Variants in IFT140 observed in about 807,000 individuals in gnomAD.
IFT140 encodes the protein intraflagellar transport protein 140 homolog.
A neutral mutation model predicts 164.6 loss-of-function variants in IFT140; 133 were observed. The ratio of observed to expected loss-of-function variants is 0.81; its 90% CI spans 0.70 to 0.93. The LOEUF is 0.93. IFT140 is among the 40% of genes least tolerant of loss of function. The probability of loss-of-function intolerance (pLI) is 0.00; values close to 1 mark genes in which losing one functional copy is unlikely to be tolerated. For synonymous variants in IFT140, 860 were observed against 817.3 expected (o/e 1.05, Z -0.89); for missense variants, 2,045 against 1,972.3 (o/e 1.04, Z -0.70).
At chr16:1,541,291 G>A in intron 19 of IFT140, 1 of 985,256 alleles carries the variant, frequency 1.0e-6, no homozygotes, top group Non-Finnish European at 1.2e-6. Context: ...AGGGGGGCAG[G>A]TGGGGGGCAC....
At chr16:1,586,934 T>A (rs77750249) in intron 9 of IFT140, among the ~76,000 whole-genome samples, 1 of 152,178 alleles carries the variant, frequency 6.6e-6, no homozygotes, top group Admixed American at 6.5e-5. Flanking sequence ...CTTGAACTCC[T>A]GGGCTCAAGT....
At chr16:1,568,489 G>A (rs1353113389) in intron 14 of IFT140, among the ~76,000 whole-genome samples, 155 bp from the exon 15 acceptor site, 1 of 152,232 alleles carries the variant, frequency 6.6e-6, no homozygotes, top group African/African-American at 2.4e-5. Context: ...TGGGGCAAAC[G>A]CAAAACACAG....
At chr16:1,584,873 C>A (rs1433051202) in intron 10 of IFT140, among the ~76,000 whole-genome samples, 3 of 152,120 alleles carry the variant, frequency 2.0e-5, no homozygotes, top group African/African-American at 7.2e-5. Context: ...TAAATAAAGA[C>A]CTATGCAAAA....
intron 1 of IFT140, among the ~76,000 whole-genome samples, 154 bp downstream of exon 1, chr16:1,611,813 CA>C (rs553272330): frequency 0.094 from 7,696 of 81,782 alleles, 348 homozygotes; most frequent in Admixed American, 0.26. Flanking sequence ...AACTCCGTCT[CA>C]AAAAAAAAAA....
At chr16:1,565,536 C>T (rs372679836) in intron 16 of IFT140, among the ~76,000 whole-genome samples, 1 of 152,200 alleles carries the variant, frequency 6.6e-6, no homozygotes, top group Non-Finnish European at 1.5e-5. Flanking sequence ...AAACCACCCC[C>T]GAGCCCAGCC....
chr16:1,525,887 T>C lies in IFT140; in HGVS notation c.2768A>G (p.Tyr923Cys). 6.5e-7 allele frequency: 1 copy of C among 1,539,738 alleles called. No homozygotes were observed. Among genetic ancestry groups the C allele is most frequent in the Non-Finnish European group, 8.7e-7 (1 of 1,143,728 alleles). The change falls in exon 21 of 31, where the codon TAC becomes TGC. Residue 923 changes from tyrosine to cysteine, a missense_variant and splice_region_variant. Transcript: ENST00000426508. ...ASADCSRALSYYEKSDTHRFE... is the reference protein window; with the variant it reads ...ASADCSRALSCYEKSDTHRFE... ...AAGAGGCCGCGAGGGCCGCACTCACTAACTGAGGGCCCGGCTGCAGTCGGC... is the reference window on the plus strand; with the variant it reads ...AAGAGGCCGCGAGGGCCGCACTCACCAACTGAGGGCCCGGCTGCAGTCGGC...
chr16:1,535,352 C>T (rs1407646097), intron 19 of IFT140, among the ~76,000 whole-genome samples: 1 of 152,196 alleles, frequency 6.6e-6, no homozygotes, highest in African/African-American at 2.4e-5. Context: ...AAGGCGCTTA[C>T]AGCCCATGGG....
Position 1,553,523 on chromosome 16 carries a change from T to C in IFT140, c.2399+4412A>G, listed in dbSNP as rs1023296593. Reference sequence around the variant, plus strand: ...CGTGGCCGGAGCCTGGGGAGGGACATGGACAAGTCCTCTATGGACAAGAGG... The same window carrying C: ...CGTGGCCGGAGCCTGGGGAGGGACACGGACAAGTCCTCTATGGACAAGAGG... On this transcript the variant is annotated intron_variant, in intron 19 of 30. Transcript: ENST00000426508. The surrounding 1 kb of genome is among the most constrained non-coding windows in gnomAD (Gnocchi z 4.4). 3 of 993,516 alleles carry C rather than the reference T, an allele frequency of 3.0e-6. No individual in the cohort carries two copies. The highest frequency in any genetic ancestry group is 3.5e-5 in the African/African-American group (2 of 57,366). 61.5% of individuals were successfully genotyped at this position (993,516 alleles called of 1,614,324 possible).
In IFT140 at chr16:1,602,518, A is replaced by G; in HGVS notation, c.221T>C (p.Leu74Pro). 6.2e-7 allele frequency: 1 copy of G among 1,614,144 alleles called. No homozygotes were observed. Among genetic ancestry groups the G allele is most frequent in the Non-Finnish European group, 8.5e-7 (1 of 1,180,018 alleles). ...AGTCTCCCAGCCCACAGCCAGCACCAGCCGCGTCGGGTGCCAGCACAGGGA... is the reference window on the plus strand; with the variant it reads ...AGTCTCCCAGCCCACAGCCAGCACCGGCCGCGTCGGGTGCCAGCACAGGGA... ...VASLCWHPTRLVLAVGWETGE... is the reference protein window; with the variant it reads ...VASLCWHPTRPVLAVGWETGE... The change falls in exon 4 of 31, where the codon CTG becomes CCG. Residue 74 changes from leucine to proline, a missense_variant. Coordinates refer to ENST00000426508, the MANE Select transcript of IFT140 (RefSeq NM_014714.4).
At chr16:1,558,361 C>T (rs963855483) in intron 18 of IFT140, among the ~76,000 whole-genome samples, 14 of 152,236 alleles carry the variant, frequency 9.2e-5, no homozygotes, top group Non-Finnish European at 1.3e-4. Context: ...TAAGCAAAGG[C>T]TGCCCGTGCA....
chr16:1,530,102 C>G (rs1315758048), intron 19 of IFT140, among the ~76,000 whole-genome samples: 1 of 149,060 alleles, frequency 6.7e-6, no homozygotes, highest in East Asian at 2.0e-4. Flanking sequence ...CTTTTTTACT[C>G]TCCTGTCCCA....
intron 19 of IFT140, among the ~76,000 whole-genome samples, chr16:1,544,972 T>A (rs1026076534): frequency 1.3e-5 from 2 of 152,210 alleles, no homozygotes; most frequent in African/African-American, 2.4e-5. Context: ...TCTTAATAAA[T>A]CTCCTTGAAA....
At chr16:1,513,982 A>G (rs1734047222) in intron 30 of IFT140, among the ~76,000 whole-genome samples, 1 of 151,122 alleles carries the variant, frequency 6.6e-6, no homozygotes, top group Non-Finnish European at 1.5e-5. Flanking sequence ...TGCTTCTCAC[A>G]ACTTTCTGCC....
At chr16:1,581,011 T>G (rs2034530610) in intron 12 of IFT140, among the ~76,000 whole-genome samples, 161 bp from the exon 13 acceptor site, 1 of 152,212 alleles carries the variant, frequency 6.6e-6, no homozygotes, top group East Asian at 1.9e-4. Flanking sequence ...AATGAGGCTC[T>G]GAGGCACAGG....
intron 13 of IFT140, among the ~76,000 whole-genome samples, chr16:1,579,009 G>A (rs1317651065): frequency 1.3e-5 from 2 of 152,106 alleles, no homozygotes; most frequent in Admixed American, 6.5e-5. Context: ...TACAGCGCTC[G>A]GCCTTTATAT....
At chr16:1,541,256 T>C in intron 19 of IFT140, 1 of 985,266 alleles carries the variant, frequency 1.0e-6, no homozygotes, top group Non-Finnish European at 1.2e-6. Flanking sequence ...TTGTGGCAGA[T>C]GGGGTGACGG....
chr16:1,597,643 A>G (rs1228240918), intron 4 of IFT140, among the ~76,000 whole-genome samples: 2 of 152,178 alleles, frequency 1.3e-5, no homozygotes, highest in African/African-American at 2.4e-5. Flanking sequence ...GCTTGAACTC[A>G]TTACTAAATT....
At chr16:1,549,771 C>T (rs1162999948) in intron 19 of IFT140, among the ~76,000 whole-genome samples, 1 of 152,022 alleles carries the variant, frequency 6.6e-6, no homozygotes, top group African/African-American at 2.4e-5. Flanking sequence ...TTTCTAGACT[C>T]ATGACTCAGG....
chr16:1,540,924 C>G (rs967754971), intron 19 of IFT140: 3 of 985,446 alleles, frequency 3.0e-6, no homozygotes, highest in Non-Finnish European at 3.6e-6. Context: ...TGTCAGCACA[C>G]ACATTGTCTG....
Sources: gnomAD v4.1 joint callset for allele counts (sites outside exome capture counted in the v4.1 genomes callset) on GRCh38, gnomAD v4.1.1 for gene constraint, Gnocchi (gnomAD v3.1) non-coding constraint, MANE v1.5 for transcripts, NCBI Gene and HGNC (gene_info 2026-07-23, HGNC 2026-07-21) for gene names.